The following DMBT1 variants were observed in gnomAD, a reference collection of about 807,000 sequenced individuals.
DMBT1 encodes deleted in malignant brain tumors 1, also known as scavenger receptor cysteine-rich domain-containing protein DMBT1.
A neutral mutation model predicts 252.9 loss-of-function variants in DMBT1; 198 were observed. The observed-to-expected ratio is 0.78, with a 90% CI of 0.70 to 0.88. The LOEUF (loss-of-function observed/expected upper bound fraction) is 0.88, where lower values mean the gene tolerates loss of function less well. Among genes scored for constraint, DMBT1 ranks in the 40% least tolerant of loss-of-function variants. The probability of loss-of-function intolerance (pLI) is 0.00; values close to 1 mark genes in which losing one functional copy is unlikely to be tolerated. For synonymous variants in DMBT1, 990 were observed against 942.7 expected, an observed-to-expected ratio of 1.05 and a Z score of -0.92; for missense variants, 2,432 against 2,404.7, an observed-to-expected ratio of 1.01 and a Z score of -0.24.
At chr10:122,598,358 C>G (rs191345215) in intron 25 of DMBT1, among the ~76,000 whole-genome samples, 109 of 152,264 alleles carry the variant, frequency 7.2e-4, no homozygotes, top group Middle Eastern at 3.4e-3. Context: ...GTGGAAGTGA[C>G]TGTCCCCACA....
chr10:122,641,808 C>T (rs77906299), intron 55 of DMBT1, among the ~76,000 whole-genome samples: 1 of 152,036 alleles, frequency 6.6e-6, no homozygotes, highest in South Asian at 2.1e-4. Context: ...CTGGCTATAC[C>T]TGGAGCACAG....
At chr10:122,617,944 T>A in intron 40 of DMBT1, 73 bp from the exon 41 acceptor site, 1 of 1,594,882 alleles carries the variant, frequency 6.3e-7, no homozygotes, top group Non-Finnish European at 8.5e-7. Flanking sequence ...GGAAGTACCC[T>A]GAGTGTGGAA....
chr10:122,633,903 G>A (rs1309375350), intron 52 of DMBT1, among the ~76,000 whole-genome samples: 1 of 152,178 alleles, frequency 6.6e-6, no homozygotes, highest in Non-Finnish European at 1.5e-5. Flanking sequence ...GGAGGCCGAG[G>A]CAGGAGGATC....
intron 45 of DMBT1, 42 bp from the exon 46 acceptor site, chr10:122,625,891 A>C (rs201664135): frequency 1.3e-6 from 2 of 1,550,026 alleles, no homozygotes; most frequent in African/African-American, 1.4e-5. Flanking sequence ...GAATGGAAAA[A>C]TTATCTACTA....
intron 26 of DMBT1, 140 bp downstream of exon 26, chr10:122,599,237 G>C: frequency 1.4e-6 from 2 of 1,479,562 alleles, no homozygotes; most frequent in Middle Eastern, 2.3e-4. Flanking sequence ...TCTCTGCTAA[G>C]AATCCCTATG....
At position 122,591,627 on chromosome 10, in the gene DMBT1, C is replaced by A. The variant is rs1342975819; in HGVS notation, c.2176+110C>A. The A allele has an allele frequency of 1.9e-5, 23 of 1,216,660 alleles. 1 individual carries two copies. Among genetic ancestry groups the A allele is most frequent in the Non-Finnish European group, 2.7e-5 (23 of 853,448 alleles). The allele number at this position is 1,216,660 out of a possible 1,614,324, so 75.4% of individuals were successfully genotyped here. ...AGGTGGGCCCCTGTCTTTTTCACATCCCTGTGCGCTGAGTGGGAGGAAGTT... is the reference window on the plus strand; with the variant it reads ...AGGTGGGCCCCTGTCTTTTTCACATACCTGTGCGCTGAGTGGGAGGAAGTT... On this transcript the variant is annotated intron_variant, in intron 19 of 55. Transcript: ENST00000338354.
intron 46 of DMBT1, among the ~76,000 whole-genome samples, chr10:122,628,401 C>T: frequency 6.6e-6 from 1 of 152,120 alleles, no homozygotes; most frequent in African/African-American, 2.4e-5. Context: ...TTTGGGAGGC[C>T]AAGATGGGCG....
chr10:122,617,089 G>A lies in DMBT1; in HGVS notation c.4859-139G>A. The A allele has an allele frequency of 4.9e-6, 5 of 1,029,660 alleles. No homozygotes were observed. In the South Asian group the frequency reaches 6.4e-5, roughly 13 times the overall value. 63.8% of individuals were successfully genotyped at this position (1,029,660 alleles called of 1,614,324 possible). The stretch of plus-strand genomic sequence containing the variant: ...ATGAGTTCACAGCAGAGGAGACCTG[G>A]GAAGACACATGGGAAGCAAGTGGCA... On this transcript the variant is annotated intron_variant, in intron 39 of 55. Coordinates refer to ENST00000338354, the MANE Select transcript of DMBT1 (RefSeq NM_001377530.1).
chr10:122,590,029 A>T (rs2097835256), intron 17 of DMBT1, among the ~76,000 whole-genome samples: 1 of 148,462 alleles, frequency 6.7e-6, no homozygotes, highest in African/African-American at 2.4e-5. Flanking sequence ...GATGGAGCAC[A>T]TATAGGTGTT....
chr10:122,635,387 G>A (rs547381729), intron 52 of DMBT1, among the ~76,000 whole-genome samples: 7 of 152,282 alleles, frequency 4.6e-5, no homozygotes, highest in African/African-American at 1.7e-4. Context: ...AAATCAGGAT[G>A]CGAGCCCTTC....
intron 24 of DMBT1, 63 bp from the exon 25 acceptor site, chr10:122,597,911 T>G (rs2097898739): frequency 3.1e-6 from 5 of 1,612,564 alleles, no homozygotes; most frequent in African/African-American, 1.3e-5. Context: ...TCCGGAGACC[T>G]TTCCTTTTGG....
rs1196604424 is a variant in DMBT1 at position 122,588,883 on chromosome 10, G to C, written c.1784-61G>C. 7 of 1,581,492 alleles carry C rather than the reference G, an allele frequency of 4.4e-6. 2 individuals are homozygous for C. Among genetic ancestry groups the C allele is most frequent in the Non-Finnish European group, 6.0e-6 (7 of 1,162,520 alleles). Reference sequence around the variant, plus strand: ...TTAGGAAGTGCCCTGAGTGTGGAATGTGCCTTAGATCCTTGACCTGCTGAT... The same window carrying C: ...TTAGGAAGTGCCCTGAGTGTGGAATCTGCCTTAGATCCTTGACCTGCTGAT... On this transcript the variant is annotated intron_variant, in intron 16 of 55. Coordinates refer to ENST00000338354, the MANE Select transcript of DMBT1 (RefSeq NM_001377530.1).
At position 122,591,497 on chromosome 10, in the gene DMBT1, C is replaced by T. The variant is rs2277238; in HGVS notation, c.2156C>T (p.Thr719Met). Residue 719 changes from threonine (T) to methionine (M), a missense_variant, in exon 19 of 56, where the codon ACG (threonine) becomes ATG (methionine). Transcript: ENST00000338354. ...TPRPDTLSTI[T>M]LPPSTVGSES... Reference sequence around the variant, plus strand: ...TTTACAGACACGTTGTCGACCATCACGTTACCTCCATCGACAGTAGGTAAA... The same window carrying T: ...TTTACAGACACGTTGTCGACCATCATGTTACCTCCATCGACAGTAGGTAAA... The T allele has an allele frequency of 5.6e-3, 8,912 of 1,587,338 alleles. 1,799 individuals are homozygous for T. In the East Asian group the frequency reaches 0.14, roughly 26 times the overall value.
At chr10:122,587,583 A>G (rs529743414) in intron 16 of DMBT1, among the ~76,000 whole-genome samples, 30 of 148,260 alleles carry the variant, frequency 2.0e-4, no homozygotes, top group African/African-American at 5.8e-4. Context: ...AGGGACTGCT[A>G]AGATGTGCAA....
chr10:122,564,088 C>A (rs3013232), intron 1 of DMBT1, among the ~76,000 whole-genome samples: 101,904 of 152,028 alleles, frequency 0.67, 34,517 homozygotes, highest in East Asian at 0.77. Context: ...TCTTCATTTT[C>A]AGGGATGCAT....
intron 46 of DMBT1, among the ~76,000 whole-genome samples, chr10:122,627,828 C>G (rs1249902111): frequency 1.3e-5 from 2 of 152,104 alleles, no homozygotes; most frequent in Non-Finnish European, 2.9e-5. Flanking sequence ...ATATAAGTGA[C>G]TCTTGTAGTC....
At chr10:122,622,349 TGCACATG>T (rs1436137483) in intron 44 of DMBT1, among the ~76,000 whole-genome samples, 9 of 152,220 alleles carry the variant, frequency 5.9e-5, no homozygotes, top group Non-Finnish European at 1.3e-4. Flanking sequence ...TGCTTTTGTT[TGCACATG>T]GCAGGAACTC....
Position 122,633,180 on chromosome 10 carries a change from TG to T in DMBT1, c.6398-10del. 6.2e-7 allele frequency: 1 copy of T among 1,613,610 alleles called. No homozygotes were observed. Among genetic ancestry groups the T allele is most frequent in the Non-Finnish European group, 8.5e-7 (1 of 1,179,646 alleles). On this transcript the variant is annotated splice_polypyrimidine_tract_variant and intron_variant, in intron 51 of 55. Transcript: ENST00000338354. ...GGGGGTCACCGACATTCCCACTTTT[TG>T]TCCTGACAGCAGATTATTCCTGCGG... is the stretch of plus-strand genomic sequence containing the variant.
At chr10:122,626,577 GA>G (rs2098120535) in intron 46 of DMBT1, among the ~76,000 whole-genome samples, 1 of 152,160 alleles carries the variant, frequency 6.6e-6, no homozygotes, top group Non-Finnish European at 1.5e-5. Context: ...CTGGTACATA[GA>G]ATGTACTTCA....
Sources: gnomAD v4.1 joint callset for allele counts (sites outside exome capture counted in the v4.1 genomes callset) on GRCh38, gnomAD v4.1.1 for gene constraint, MANE v1.5 for transcripts, NCBI Gene and HGNC (gene_info 2026-07-23, HGNC 2026-07-21) for gene names.